The following VPS13D variants were observed in gnomAD, a reference collection of about 807,000 sequenced individuals.
VPS13D encodes intermembrane lipid transfer protein VPS13D.
VPS13D carries 187 observed loss-of-function variants against 461.9 expected under a neutral mutation model. The observed-to-expected ratio is 0.40, with a 90% CI of 0.36 to 0.46. The LOEUF (loss-of-function observed/expected upper bound fraction) is 0.46. VPS13D is among the 20% of genes least tolerant of loss of function. The pLI, the probability that VPS13D is intolerant of heterozygous loss-of-function variation, is 0.60. For missense variants in VPS13D, 4,711 were observed against 5,364.9 expected (o/e 0.88, Z 3.81); for synonymous variants, 1,951 against 1,986.3 (o/e 0.98, Z 0.47).
intron 37 of VPS13D, 133 bp from the exon 38 acceptor site, chr1:12,333,093 T>G: frequency 1.8e-6 from 2 of 1,090,100 alleles, no homozygotes; most frequent in Non-Finnish European, 1.3e-6. Flanking sequence ...GTTGGTGCTT[T>G]TGTTGTGAAA....
At chr1:12,395,997 A>ATATATATATG (rs1553187944) in intron 60 of VPS13D, among the ~76,000 whole-genome samples, 1 of 20,802 alleles carries the variant, frequency 4.8e-5, no homozygotes, top group Non-Finnish European at 1.8e-4. Context: ...CTAATAGGAG[A>ATATATATATG]TATATATATA....
chr1:12,317,062 TCTTA>T (rs757655608), intron 30 of VPS13D, among the ~76,000 whole-genome samples: 72 of 141,118 alleles, frequency 5.1e-4, no homozygotes, highest in Non-Finnish European at 8.9e-4. Context: ...GTAAATGTCA[TCTTA>T]CTTGTTCTCC....
At chr1:12,477,144 G>A (rs575615163) in intron 67 of VPS13D, among the ~76,000 whole-genome samples, 18 of 152,218 alleles carry the variant, frequency 1.2e-4, no homozygotes, top group African/African-American at 4.1e-4. Flanking sequence ...TATCAAGATG[G>A]GTGAAGACAA....
chr1:12,487,580 C>T (rs1645814237), intron 67 of VPS13D, among the ~76,000 whole-genome samples: 1 of 150,656 alleles, frequency 6.6e-6, no homozygotes, highest in Non-Finnish European at 1.5e-5. Context: ...CACTACACTG[C>T]AGCCTGGGCG....
chr1:12,324,798 A>G (rs1444621956), intron 35 of VPS13D, among the ~76,000 whole-genome samples: 1 of 152,228 alleles, frequency 6.6e-6, no homozygotes, highest in Admixed American at 6.5e-5. Context: ...GAAGTCCTGT[A>G]TGCCTATCTT....
At chr1:12,358,003 C>G (rs75688434) in intron 49 of VPS13D, among the ~76,000 whole-genome samples, 1 of 96,734 alleles carries the variant, frequency 1.0e-5, no homozygotes, top group Non-Finnish European at 2.3e-5. Context: ...GATTCCACCT[C>G]AAAAAAAAAA....
chr1:12,309,595 A>G (rs1253385244), intron 27 of VPS13D, among the ~76,000 whole-genome samples: 5 of 146,692 alleles, frequency 3.4e-5, no homozygotes. Context: ...CGTCTCTACT[A>G]AAAAAAAAAT....
chr1:12,389,158 C>G (rs764259189), intron 60 of VPS13D, among the ~76,000 whole-genome samples: 2 of 152,148 alleles, frequency 1.3e-5, no homozygotes, highest in Non-Finnish European at 2.9e-5. Context: ...GAGGGTAGGC[C>G]TGTCTCACAT....
chr1:12,264,676 T>C (rs560934406), intron 13 of VPS13D, among the ~76,000 whole-genome samples: 1 of 152,194 alleles, frequency 6.6e-6, no homozygotes, highest in Non-Finnish European at 1.5e-5. Flanking sequence ...CAGAGGCTGG[T>C]TCATGAGTTT....
Position 12,279,559 on chromosome 1 carries a change from G to C in VPS13D, c.4511G>C (p.Arg1504Thr). Residue 1504 changes from arginine (R) to threonine (T), a missense_variant, in exon 20 of 70, where the codon AGA becomes ACA. Around this residue, in one of 3 missense-constraint regions of VPS13D, gnomAD observed 4,411 missense variants for 4,937.8 expected, o/e 0.89. Coordinates refer to ENST00000620676, the MANE Select transcript of VPS13D (RefSeq NM_015378.4). This position sits in a 1 kb window ranked among gnomAD's most constrained non-coding sequence, Gnocchi z 4.3. ...AAACTGGAGAAGATCCCTATAGAGA[G>C]AGAATCTGAATTGACTTTTTCTCTT... ...QFKLEKIPIE[R>T]ESELTFSLSP... 6.2e-7 allele frequency: 1 copy of C among 1,613,336 alleles called. No homozygotes were observed. Among genetic ancestry groups the C allele is most frequent in the East Asian group, 2.2e-5 (1 of 44,866 alleles).
intron 59 of VPS13D, 40 bp downstream of exon 59, chr1:12,385,413 A>T (rs1644337947): frequency 2.0e-6 from 3 of 1,530,626 alleles, no homozygotes. Context: ...TTTGATCATC[A>T]GTTTTTTAGA....
intron 68 of VPS13D, among the ~76,000 whole-genome samples, chr1:12,498,737 G>A (rs750730075): frequency 1.8e-4 from 28 of 152,158 alleles, no homozygotes; most frequent in Non-Finnish European, 2.4e-4. Flanking sequence ...TTCTGATTCT[G>A]CTGCTGCTGG....
At chr1:12,298,762 C>A (rs577778987) in intron 24 of VPS13D, among the ~76,000 whole-genome samples, 2 of 151,492 alleles carry the variant, frequency 1.3e-5, no homozygotes, top group East Asian at 3.9e-4. Context: ...TTATTTTCTT[C>A]CTTCTACTTC....
intron 65 of VPS13D, among the ~76,000 whole-genome samples, chr1:12,447,268 G>A (rs1645204616): frequency 6.6e-6 from 1 of 152,086 alleles, no homozygotes; most frequent in African/African-American, 2.4e-5. Flanking sequence ...GTCATGGTTG[G>A]GTTACCTCTC....
chr1:12,397,600 A>G (rs1367921136), intron 60 of VPS13D, among the ~76,000 whole-genome samples: 1 of 152,212 alleles, frequency 6.6e-6, no homozygotes, highest in Non-Finnish European at 1.5e-5. Flanking sequence ...TTCTGGAGAT[A>G]TGGCTATGAC....
chr1:12,384,779 TA>T (rs971236139), intron 58 of VPS13D, among the ~76,000 whole-genome samples: 2 of 152,144 alleles, frequency 1.3e-5, no homozygotes, highest in African/African-American at 4.8e-5. Flanking sequence ...CCACCATGCT[TA>T]GCTAATTACT....
At chr1:12,412,398 G>A (rs907625087) in intron 63 of VPS13D, among the ~76,000 whole-genome samples, 3 of 152,176 alleles carry the variant, frequency 2.0e-5, no homozygotes, top group African/African-American at 7.2e-5. Flanking sequence ...TACACTATTC[G>A]ATTTCAGAAA....
At chr1:12,337,234 C>T (rs1643471737) in intron 39 of VPS13D, 1 of 152,120 alleles carries the variant, frequency 6.6e-6, no homozygotes, top group Non-Finnish European at 1.5e-5. Context: ...CTTGAATATG[C>T]ATAAATTTCC....
At chr1:12,246,282 A>G (rs1640548980) in intron 5 of VPS13D, among the ~76,000 whole-genome samples, 1 of 152,212 alleles carries the variant, frequency 6.6e-6, no homozygotes, top group Non-Finnish European at 1.5e-5. Flanking sequence ...TACATTTCAA[A>G]GGAGTGGCTT....
Sources: gnomAD v4.1 joint callset for allele counts (sites outside exome capture counted in the v4.1 genomes callset) on GRCh38, gnomAD v4.1.1 for gene constraint, gnomAD v4.1.1 regional missense constraint, Gnocchi (gnomAD v3.1) non-coding constraint, MANE v1.5 for transcripts, NCBI Gene and HGNC (gene_info 2026-07-23, HGNC 2026-07-21) for gene names.